Variants in NDST4 observed in about 807,000 individuals in gnomAD.
The protein encoded by NDST4 is N-heparan sulfate sulfotransferase 4.
A neutral mutation model predicts 100.8 loss-of-function variants in NDST4; 63 were observed. The ratio of observed to expected loss-of-function variants is 0.62; its 90% CI spans 0.51 to 0.77. The LOEUF (loss-of-function observed/expected upper bound fraction) is 0.77. NDST4 is among the 30% of genes least tolerant of loss of function. The pLI is 0.00. For missense variants in NDST4, 943 were observed against 1,018.4 expected, an observed-to-expected ratio of 0.93 and a Z score of 1.01; for synonymous variants, 377 against 361.8, an observed-to-expected ratio of 1.04 and a Z score of -0.48.
chr4:114,972,898 G>C (rs984951156), intron 3 of NDST4, among the ~76,000 whole-genome samples: 1 of 151,942 alleles, frequency 6.6e-6, no homozygotes, highest in Non-Finnish European at 1.5e-5. Context: ...TAAAATCTTA[G>C]CAATTTTTAT....
chr4:115,085,755 A>G (rs903078603), intron 1 of NDST4, among the ~76,000 whole-genome samples: 5 of 152,134 alleles, frequency 3.3e-5, no homozygotes, highest in African/African-American at 1.2e-4. Flanking sequence ...TCTTTTCTTT[A>G]TAAATTACCC....
chr4:114,997,419 T>C (rs1321039968), intron 2 of NDST4, among the ~76,000 whole-genome samples: 1 of 152,100 alleles, frequency 6.6e-6, no homozygotes, highest in Non-Finnish European at 1.5e-5. Flanking sequence ...GTGATAATAT[T>C]ATCAAAAATT....
chr4:115,028,306 C>T (rs1290957572), intron 2 of NDST4, among the ~76,000 whole-genome samples: 1 of 152,002 alleles, frequency 6.6e-6, no homozygotes, highest in Admixed American at 6.6e-5. Flanking sequence ...ACACTCTTAA[C>T]AAGGGGCAGG....
intron 2 of NDST4, among the ~76,000 whole-genome samples, chr4:115,046,337 A>G (rs903236067): frequency 1.3e-5 from 2 of 152,026 alleles, no homozygotes; most frequent in African/African-American, 4.8e-5. Flanking sequence ...ACTTTAAGAG[A>G]CTCACTTGTC....
chr4:114,946,960 AG>A (rs1029744182), intron 4 of NDST4, among the ~76,000 whole-genome samples: 1 of 152,072 alleles, frequency 6.6e-6, no homozygotes, highest in African/African-American at 2.4e-5. Flanking sequence ...AGTATGTGAA[AG>A]GTTTTTTTTT....
intron 1 of NDST4, among the ~76,000 whole-genome samples, chr4:115,109,772 C>G (rs1729908165): frequency 6.6e-6 from 1 of 151,670 alleles, no homozygotes; most frequent in African/African-American, 2.4e-5. Flanking sequence ...TGTAAATGAC[C>G]TCAAAGGGTC....
intron 2 of NDST4, among the ~76,000 whole-genome samples, chr4:115,007,584 G>T (rs2126258877): frequency 7.5e-6 from 1 of 133,058 alleles, no homozygotes; most frequent in South Asian, 2.8e-4. Context: ...AATTCCAACA[G>T]AAAGCTGGAA....
intron 2 of NDST4, among the ~76,000 whole-genome samples, chr4:115,001,643 A>G (rs1334966167): frequency 6.6e-6 from 1 of 151,860 alleles, no homozygotes; most frequent in East Asian, 1.9e-4. Context: ...AATATACTAT[A>G]TATATTATAA....
At chr4:114,909,945 G>GAATTATTTCTGAACAGAT (rs1309637318) in intron 6 of NDST4, among the ~76,000 whole-genome samples, 5 of 152,082 alleles carry the variant, frequency 3.3e-5, no homozygotes, top group African/African-American at 1.2e-4. Context: ...TTGGCATAAG[G>GAATTATTTCTGAACAGAT]AATTATTTCT....
intron 2 of NDST4, among the ~76,000 whole-genome samples, chr4:114,996,913 C>T (rs1727177706): frequency 6.6e-6 from 1 of 152,042 alleles, no homozygotes; most frequent in African/African-American, 2.4e-5. Context: ...GAAGAAATAT[C>T]TACTTACTTT....
chr4:114,895,947 C>T (rs973467269), intron 6 of NDST4, among the ~76,000 whole-genome samples: 1 of 152,104 alleles, frequency 6.6e-6, no homozygotes, highest in African/African-American at 2.4e-5. Context: ...AAACAACATG[C>T]TTCCTAATTT....
At chr4:114,982,827 A>G in intron 2 of NDST4, among the ~76,000 whole-genome samples, 1 of 152,250 alleles carries the variant, frequency 6.6e-6, no homozygotes, top group East Asian at 1.9e-4. Context: ...CCTGAGAGAG[A>G]AAAATGGTTT....
Position 114,846,086 on chromosome 4 carries a change from C to T in NDST4, c.1941-89G>A, listed in dbSNP as rs73848479. ...GAAATAATTGGAACATTTTAATATTCATTTATAGCTATTTCTGATTATTAT... is the reference window on the plus strand; with the variant it reads ...GAAATAATTGGAACATTTTAATATTTATTTATAGCTATTTCTGATTATTAT... On this transcript the variant is annotated intron_variant, in intron 9 of 13. Transcript: ENST00000264363. The T allele has an allele frequency of 1.4e-3, 1,301 of 939,422 alleles. 7 individuals are homozygous for T. The African/African-American group carries it at 0.018, about 13-fold the overall frequency. The allele number at this position is 939,422 out of a possible 1,614,324, so 58.2% of individuals were successfully genotyped here.
chr4:114,846,583 A>T (rs563266934), intron 9 of NDST4, among the ~76,000 whole-genome samples: 1 of 152,234 alleles, frequency 6.6e-6, no homozygotes, highest in East Asian at 1.9e-4. Flanking sequence ...CTGCCAGTTG[A>T]TCCTGTGGTG....
At chr4:114,973,151 G>A (rs1260678735) in intron 3 of NDST4, among the ~76,000 whole-genome samples, 1 of 151,984 alleles carries the variant, frequency 6.6e-6, no homozygotes, top group Non-Finnish European at 1.5e-5. Flanking sequence ...CCAACTAGAT[G>A]AAAGTATTAC....
chr4:114,939,942 A>G (rs1158855455), intron 4 of NDST4, among the ~76,000 whole-genome samples: 1 of 152,210 alleles, frequency 6.6e-6, no homozygotes, highest in Non-Finnish European at 1.5e-5. Flanking sequence ...TGGCGCTTAC[A>G]GACCGAGAAG....
chr4:114,908,548 T>C (rs1259219410), intron 6 of NDST4, among the ~76,000 whole-genome samples: 1 of 152,082 alleles, frequency 6.6e-6, no homozygotes, highest in Non-Finnish European at 1.5e-5. Flanking sequence ...CATTTTTATG[T>C]GATATGATAT....
intron 7 of NDST4, among the ~76,000 whole-genome samples, chr4:114,868,024 T>G (rs1476464072): frequency 6.6e-6 from 1 of 152,184 alleles, no homozygotes; most frequent in Non-Finnish European, 1.5e-5. Flanking sequence ...AATGAAACTT[T>G]ACATGAGGAA....
At chr4:114,832,696 A>G (rs1723226164) in intron 12 of NDST4, among the ~76,000 whole-genome samples, 1 of 152,042 alleles carries the variant, frequency 6.6e-6, no homozygotes, top group African/African-American at 2.4e-5. Context: ...TTTAGTGACT[A>G]TTGTAACAAG....
Sources: gnomAD v4.1 joint callset for allele counts (sites outside exome capture counted in the v4.1 genomes callset) on GRCh38, gnomAD v4.1.1 for gene constraint, MANE v1.5 for transcripts, NCBI Gene and HGNC (gene_info 2026-07-23, HGNC 2026-07-21) for gene names.